Variants in DPP9 observed in about 807,000 individuals in gnomAD.
The protein encoded by DPP9 is dipeptidyl peptidase 9.
Under a neutral mutation model 110.7 loss-of-function variants are expected in DPP9, and 50 were observed. The observed-to-expected ratio is 0.45, with a 90% CI of 0.36 to 0.57. The LOEUF is 0.57. Among genes scored for constraint, DPP9 ranks in the 20% least tolerant of loss-of-function variants. The pLI, the probability that DPP9 is intolerant of heterozygous loss-of-function variation, is 0.00. For missense variants in DPP9, 1,022 were observed against 1,217.9 expected, an observed-to-expected ratio of 0.84 and a Z score of 2.39; for synonymous variants, 561 against 514.4, an observed-to-expected ratio of 1.09 and a Z score of -1.23.
rs527938728 is a variant in DPP9 at position 4,704,797 on chromosome 19, G to A, written c.427-493C>T. Among the ~76,000 whole-genome samples, 9 of 152,236 alleles carry A rather than the reference G, an allele frequency of 5.9e-5. No individual in the cohort carries two copies. The East Asian group carries it at 1.4e-3, about 23-fold the overall frequency. On this transcript the variant is annotated intron_variant, in intron 5 of 21. Transcript: ENST00000262960. This position sits in a 1 kb window ranked among gnomAD's most constrained non-coding sequence, Gnocchi z 6.0. ...GGGCAGATCACGAGGTCAGAAATTC[G>A]AGACCAGCCTGGCCAATATGGTGAA... is the stretch of plus-strand genomic sequence containing the variant.
intron 4 of DPP9, among the ~76,000 whole-genome samples, chr19:4,713,371 GA>G (rs1381682830): frequency 1.3e-5 from 2 of 152,372 alleles, no homozygotes; most frequent in Admixed American, 6.5e-5. Context: ...AGTGGCTGCA[GA>G]AGCTGCTGGA....
chr19:4,692,333 A>G (rs865896351), intron 13 of DPP9, among the ~76,000 whole-genome samples: 1 of 152,206 alleles, frequency 6.6e-6, no homozygotes, highest in South Asian at 2.1e-4. Context: ...TTAGGTCTAA[A>G]CAAGCTACGG....
rs904666846 is a variant in DPP9, at chr19:4,685,520, G to C, written c.2031+106C>G. 5 of 1,278,076 alleles carry C rather than the reference G, an allele frequency of 3.9e-6. No individual in the cohort carries two copies. Among genetic ancestry groups the C allele is most frequent in the Non-Finnish European group, 5.4e-6 (5 of 920,536 alleles). The allele number at this position is 1,278,076 out of a possible 1,614,324, so 79.2% of individuals were successfully genotyped here. ...GGGCTGGGGCACCAGGCAGGTAGCC[G>C]GGGAGCCTCCTCTGGTTGACTGTTC... On this transcript the variant is annotated intron_variant, in intron 17 of 21. Coordinates refer to ENST00000262960, the MANE Select transcript of DPP9 (RefSeq NM_139159.5). This position sits in a 1 kb window ranked among gnomAD's most constrained non-coding sequence, Gnocchi z 5.8.
intron 5 of DPP9, among the ~76,000 whole-genome samples, chr19:4,705,342 G>A (rs1318062128): frequency 6.6e-6 from 1 of 152,152 alleles, no homozygotes; most frequent in African/African-American, 2.4e-5. Flanking sequence ...TCCCATCTCA[G>A]CCTACCAATT....
chr19:4,692,658 C>T (rs1411760724), intron 13 of DPP9, among the ~76,000 whole-genome samples: 1 of 152,148 alleles, frequency 6.6e-6, no homozygotes, highest in Non-Finnish European at 1.5e-5. Flanking sequence ...AGGGTCTGTG[C>T]CCCTGGAGAG....
intron 7 of DPP9, 97 bp downstream of exon 7, chr19:4,703,789 G>A (rs2092435843): frequency 1.5e-6 from 2 of 1,325,632 alleles, no homozygotes; most frequent in African/African-American, 1.5e-5. Flanking sequence ...CTTGTGAGGG[G>A]TGTGTGCAGG....
At position 4,685,415 on chromosome 19, in the gene DPP9, G is replaced by C. The variant is rs565472548; in HGVS notation, c.2031+211C>G. The C allele has an allele frequency of 6.4e-5, 43 of 676,854 alleles. No individual in the cohort carries two copies. The South Asian group carries it at 6.5e-4, about 10-fold the overall frequency. 41.9% of individuals were successfully genotyped at this position (676,854 alleles called of 1,614,324 possible). On this transcript the variant is annotated intron_variant, in intron 17 of 21. Coordinates refer to ENST00000262960, the MANE Select transcript of DPP9 (RefSeq NM_139159.5). The surrounding 1 kb of genome is among the most constrained non-coding windows in gnomAD (Gnocchi z 5.8). ...GGGGGAAGGGGAGGCCATCCAGGAA[G>C]GGCGGGGAGCGTGCAAACGGGCACA... is the stretch of plus-strand genomic sequence containing the variant.
Position 4,682,592 on chromosome 19 carries a change from T to TG in DPP9, c.2474+103dup, listed in dbSNP as rs1209971570. On this transcript the variant is annotated intron_variant, in intron 20 of 21. Coordinates refer to ENST00000262960, the MANE Select transcript of DPP9 (RefSeq NM_139159.5). This position sits in a 1 kb window ranked among gnomAD's most constrained non-coding sequence, Gnocchi z 7.1. ...AGGCTCCACATGGCCTGAGGCTCCC[T>TG]GGGCAGGGCCAGCTGGGGCAGGAGG... The TG allele has an allele frequency of 1.5e-5, 23 of 1,501,238 alleles. No homozygotes were observed. Among genetic ancestry groups the TG allele is most frequent in the Non-Finnish European group, 2.0e-5 (22 of 1,120,184 alleles). 93.0% of individuals were successfully genotyped at this position (1,501,238 alleles called of 1,614,324 possible).
chr19:4,711,148 C>T (rs1021023214), intron 4 of DPP9, among the ~76,000 whole-genome samples: 1 of 152,138 alleles, frequency 6.6e-6, no homozygotes, highest in East Asian at 1.9e-4. Context: ...CGGACAGATG[C>T]CTGGCTTCTG....
chr19:4,713,281 TCC>T (rs2092918278), intron 4 of DPP9, among the ~76,000 whole-genome samples: 2 of 152,320 alleles, frequency 1.3e-5, no homozygotes, highest in East Asian at 3.9e-4. Flanking sequence ...AAGGTGTCCT[TCC>T]TCCCAGCTCT....
Position 4,718,390 on chromosome 19 carries a change from G to T in DPP9, c.56+1461C>A, listed in dbSNP as rs546634579. ...CACAAGGTGATAAGGCAGAAAGAAAGGTGGGAGCCCCTGGCTGGCGTGGGG... is the reference window on the plus strand; with the variant it reads ...CACAAGGTGATAAGGCAGAAAGAAATGTGGGAGCCCCTGGCTGGCGTGGGG... On this transcript the variant is annotated intron_variant, in intron 3 of 21. Coordinates refer to ENST00000262960, the MANE Select transcript of DPP9 (RefSeq NM_139159.5). This position sits in a 1 kb window ranked among gnomAD's most constrained non-coding sequence, Gnocchi z 4.3. 1.3e-5 allele frequency among the ~76,000 whole-genome samples: 2 copies of T among 152,354 alleles called. No individual in the cohort carries two copies. The highest frequency in any genetic ancestry group is 4.1e-4 in the South Asian group (2 of 4,830).
chr19:4,697,085 C>A (rs1205862584), intron 11 of DPP9, among the ~76,000 whole-genome samples: 1 of 150,944 alleles, frequency 6.6e-6, no homozygotes, highest in Non-Finnish European at 1.5e-5. Context: ...GGCGACAGAG[C>A]GAGACTCCAT....
At chr19:4,691,485 A>C (rs1456184664) in intron 13 of DPP9, among the ~76,000 whole-genome samples, 4 of 150,448 alleles carry the variant, frequency 2.7e-5, no homozygotes, top group East Asian at 1.9e-4. Context: ...AAAAAAAAAA[A>C]CAAAAAACAA....
At position 4,702,122 on chromosome 19, in the gene DPP9, T is replaced by C; in HGVS notation, c.917A>G (p.Tyr306Cys). 3.1e-6 allele frequency: 5 copies of C among 1,613,866 alleles called. No homozygotes were observed. Among genetic ancestry groups the C allele is most frequent in the Non-Finnish European group, 4.2e-6 (5 of 1,179,788 alleles). Residue 306 changes from tyrosine to cysteine, a missense_variant, in exon 9 of 22, where the codon TAT becomes TGT. Coordinates refer to ENST00000262960, the MANE Select transcript of DPP9 (RefSeq NM_139159.5). ...CACCTCGGACTCATCGACTTCCTCA[T>C]ACAGGATTCGCAGCGTCTTGAGGCC... ...SEGLKTLRIL[Y>C]EEVDESEVEV... is the part of the protein sequence containing the mutation.
At chr19:4,692,950 C>T (rs539689463) in intron 13 of DPP9, among the ~76,000 whole-genome samples, 45 of 152,290 alleles carry the variant, frequency 3.0e-4, no homozygotes, top group Non-Finnish European at 5.4e-4. Flanking sequence ...TACTCAGCTC[C>T]GTGGCAGCCT....
chr19:4,713,441 G>A (rs1173918488), intron 4 of DPP9, among the ~76,000 whole-genome samples: 5 of 152,360 alleles, frequency 3.3e-5, no homozygotes, highest in African/African-American at 7.2e-5. Context: ...GCCCAGTCCC[G>A]TGAGGCACTG....
chr19:4,701,930 T>A, intron 9 of DPP9, 97 bp downstream of exon 9: 2 of 1,496,940 alleles, frequency 1.3e-6, no homozygotes, highest in Non-Finnish European at 9.1e-7. Context: ...AGCACACACA[T>A]GCAGCTCAGA....
intron 1 of DPP9, 31 bp from the exon 2 acceptor site, chr19:4,722,582 C>G (rs1242980242): frequency 1.4e-6 from 1 of 702,686 alleles, no homozygotes; most frequent in East Asian, 2.7e-5. Flanking sequence ...ATGAATGTGG[C>G]AGGTTAATGG....
In DPP9 at chr19:4,679,936, A is replaced by G. The variant is rs1222588868; in HGVS notation, c.2485T>C (p.Leu829=). ...TCCAGGAAGCCGTGGAGGATAAGCA[A>G]GCGGTTGGGCCTGGAAAACAGATGG... ...VEKLPNEPNR[L]LILHGFLDEN... Residue 829 remains leucine, a synonymous_variant, in exon 21 of 22, where the codon TTG becomes CTG. Transcript: ENST00000262960. The G allele has an allele frequency of 2.5e-6, 4 of 1,612,242 alleles. No homozygotes were observed. Among genetic ancestry groups the G allele is most frequent in the South Asian group, 2.2e-5 (2 of 90,708 alleles).
Sources: gnomAD v4.1 joint callset for allele counts (sites outside exome capture counted in the v4.1 genomes callset) on GRCh38, gnomAD v4.1.1 for gene constraint, Gnocchi (gnomAD v3.1) non-coding constraint, MANE v1.5 for transcripts, NCBI Gene and HGNC (gene_info 2026-07-23, HGNC 2026-07-21) for gene names.